Variants in ZMYND8 observed in about 807,000 individuals in gnomAD.
The protein encoded by ZMYND8 is zinc finger MYND-type containing 8.
Under a neutral mutation model 140.8 loss-of-function variants are expected in ZMYND8, and 37 were observed. The ratio of observed to expected loss-of-function variants is 0.26; its 90% CI spans 0.20 to 0.35. ZMYND8 has a LOEUF of 0.35. Among genes scored for constraint, ZMYND8 ranks in the 10% least tolerant of loss-of-function variants. The pLI is 1.00. For missense variants in ZMYND8, 1,068 were observed against 1,570.0 expected, an observed-to-expected ratio of 0.68 and a Z score of 5.40; for synonymous variants, 592 against 597.1, an observed-to-expected ratio of 0.99 and a Z score of 0.12.
chr20:47,232,521 C>T (rs2038642937), intron 16 of ZMYND8, among the ~76,000 whole-genome samples: 1 of 151,202 alleles, frequency 6.6e-6, no homozygotes, highest in Admixed American at 6.6e-5. Context: ...TAGACCCCAA[C>T]TCTAAAAAAA....
rs199799756 is a variant in ZMYND8 at position 47,310,110 on chromosome 20, G to A, written c.180C>T (p.Ser60=). ...NGHSPQDTST[S]PIKKKKKPGL... ...CAGGTTTCTTTTTCTTTTTAATGGG[G>A]CTTGTTGATGTGTCCTGCGGCGAGT... The change falls in exon 3 of 23, where the codon AGC becomes AGT. Residue 60 remains serine (S), a synonymous_variant. Coordinates refer to ENST00000471951, the MANE Select transcript of ZMYND8 (RefSeq NM_001281775.3). 1.9e-6 allele frequency: 3 copies of A among 1,614,140 alleles called. No individual in the cohort carries two copies. The highest frequency in any genetic ancestry group is 2.5e-6 in the Non-Finnish European group (3 of 1,180,022).
intron 1 of ZMYND8, chr20:47,352,972 C>T (rs1047232186): frequency 1.3e-5 from 2 of 152,202 alleles, no homozygotes; most frequent in Non-Finnish European, 2.9e-5. Flanking sequence ...TGTGCAGTAG[C>T]GAAGGCCCCT....
chr20:47,334,737 G>A (rs1353083235), intron 2 of ZMYND8, among the ~76,000 whole-genome samples: 1 of 151,788 alleles, frequency 6.6e-6, no homozygotes, highest in African/African-American at 2.4e-5. Context: ...AGCCTGCTGA[G>A]TAGCTGGGAT....
chr20:47,226,712 T>G (rs562269164), intron 18 of ZMYND8, among the ~76,000 whole-genome samples: 9 of 152,310 alleles, frequency 5.9e-5, no homozygotes, highest in African/African-American at 2.2e-4. Context: ...CAACAGTTTG[T>G]GTAATGAAAT....
At chr20:47,267,131 G>A (rs2147647372) in intron 11 of ZMYND8, among the ~76,000 whole-genome samples, 1 of 152,240 alleles carries the variant, frequency 6.6e-6, no homozygotes, top group East Asian at 1.9e-4. Context: ...AGTTAAAGAA[G>A]CCAGACACAA....
In ZMYND8 at chr20:47,249,280, G is replaced by C. The variant is rs761455397; in HGVS notation, c.1774+7C>G. The C allele has an allele frequency of 2.5e-6, 4 of 1,610,306 alleles. No homozygotes were observed. The highest frequency in any genetic ancestry group is 3.4e-6 in the Non-Finnish European group (4 of 1,178,728). ...GCTGGAAAAAAAAAACAAAACCAAA[G>C]GTATACCTAATTGTGCTTTGCAACT... On this transcript the variant is annotated splice_region_variant and intron_variant, in intron 13 of 22. Transcript: ENST00000471951.
At chr20:47,296,815 G>A (rs925321969) in intron 4 of ZMYND8, among the ~76,000 whole-genome samples, 1 of 152,074 alleles carries the variant, frequency 6.6e-6, no homozygotes, top group Non-Finnish European at 1.5e-5. Flanking sequence ...AAGTAGCTAG[G>A]TGTGGTGGTG....
At chr20:47,219,561 T>C (rs2036638718) in intron 21 of ZMYND8, among the ~76,000 whole-genome samples, 1 of 150,746 alleles carries the variant, frequency 6.6e-6, no homozygotes, top group Non-Finnish European at 1.5e-5. Context: ...AGAAAGGTCC[T>C]GGAGCTGTGG....
chr20:47,261,555 TCATCATCATCATC>T (rs2075154409), intron 12 of ZMYND8, among the ~76,000 whole-genome samples: 1 of 22,414 alleles, frequency 4.5e-5, no homozygotes, highest in African/African-American at 2.6e-4. Flanking sequence ...ACAGTTATCA[TCATCATCATCATC>T]ATCATCATCA....
At chr20:47,272,329 G>A (rs954479440) in intron 11 of ZMYND8, among the ~76,000 whole-genome samples, 2 of 152,064 alleles carry the variant, frequency 1.3e-5, no homozygotes, top group South Asian at 2.1e-4. Context: ...CGCTTGTCTC[G>A]ACCTCCCAAA....
chr20:47,216,480 G>A (rs1260476245), intron 21 of ZMYND8, among the ~76,000 whole-genome samples: 2 of 120,686 alleles, frequency 1.7e-5, no homozygotes, highest in Non-Finnish European at 1.6e-5. Context: ...GGACAACAGA[G>A]CGAAGACTCT....
chr20:47,340,666 T>C (rs913550371), intron 2 of ZMYND8, among the ~76,000 whole-genome samples: 3 of 151,084 alleles, frequency 2.0e-5, no homozygotes, highest in African/African-American at 7.3e-5. Context: ...TGGCGGCGTA[T>C]GCCCCAGCTA....
In ZMYND8 at chr20:47,229,765, G is replaced by A. The variant is rs778727193; in HGVS notation, c.2898C>T (p.Asn966=). ...TTCCAGTAGTGTTTTTAGAAAGATC[G>A]TTGTATATTTCTGTCATTGTTCCTT... The part of the protein sequence containing the change: ...AIKGTMTEIY[N]DLSKNTTGST... Residue 966 remains asparagine, a synonymous_variant, in exon 17 of 23, where the codon AAC becomes AAT. Coordinates refer to ENST00000471951, the MANE Select transcript of ZMYND8 (RefSeq NM_001281775.3). The A allele has an allele frequency of 1.1e-5, 17 of 1,613,186 alleles. No homozygotes were observed. In the East Asian group the frequency reaches 2.9e-4, roughly 27 times the overall value.
chr20:47,343,171 G>A (rs2082050257), intron 2 of ZMYND8, among the ~76,000 whole-genome samples: 2 of 152,244 alleles, frequency 1.3e-5, no homozygotes, highest in Non-Finnish European at 2.9e-5. Context: ...TGTGGTCCCA[G>A]CTACTTGGGA....
intron 22 of ZMYND8, 68 bp downstream of exon 22, chr20:47,212,574 C>A: frequency 6.4e-7 from 1 of 1,553,168 alleles, no homozygotes; most frequent in Non-Finnish European, 8.9e-7. Context: ...CACGGACACA[C>A]ACAGAACAAG....
intron 1 of ZMYND8, among the ~76,000 whole-genome samples, chr20:47,351,118 A>G (rs1263677599): frequency 2.0e-5 from 3 of 152,224 alleles, no homozygotes; most frequent in Non-Finnish European, 4.4e-5. Flanking sequence ...TGCCTGAGCA[A>G]GAAAACCTAT....
At chr20:47,282,028 CTTCTT>C in intron 10 of ZMYND8, 69 bp downstream of exon 10, 1 of 1,228,892 alleles carries the variant, frequency 8.1e-7, no homozygotes, top group Non-Finnish European at 1.2e-6. Context: ...GCAGCCTCCA[CTTCTT>C]TTCTTATCTC....
chr20:47,300,884 TTGTGTGTGTGTGTGTGTGTGTGTGTGTG>T (rs200833449), intron 3 of ZMYND8, among the ~76,000 whole-genome samples: 1 of 130,296 alleles, frequency 7.7e-6, no homozygotes, highest in African/African-American at 2.8e-5. Flanking sequence ...ACAACTAATT[TTGTGTGTGTGTGTGTGTGTGTGTGTGTG>T]TGTGTGTGTG....
intron 2 of ZMYND8, chr20:47,318,675 C>T: frequency 2.2e-6 from 1 of 454,428 alleles, no homozygotes; most frequent in Non-Finnish European, 4.4e-6. Flanking sequence ...ACTCGAGGAC[C>T]GGTCTGCACC....
Sources: gnomAD v4.1 joint callset for allele counts (sites outside exome capture counted in the v4.1 genomes callset) on GRCh38, gnomAD v4.1.1 for gene constraint, MANE v1.5 for transcripts, NCBI Gene and HGNC (gene_info 2026-07-23, HGNC 2026-07-21) for gene names.